The following FBXW11 variants were observed in gnomAD, a reference collection of about 807,000 sequenced individuals.
The protein encoded by FBXW11 is F-box/WD repeat-containing protein 11.
A neutral mutation model predicts 77.6 loss-of-function variants in FBXW11; 19 were observed. The ratio of observed to expected loss-of-function variants is 0.24; its 90% confidence interval spans 0.17 to 0.36. The LOEUF is 0.36. Ranked by LOEUF, FBXW11 falls within the 10% of genes least tolerant of loss-of-function variation. FBXW11 has a pLI of 1.00. For synonymous variants in FBXW11, 235 were observed against 249.4 expected (o/e 0.94, Z 0.54); for missense variants, 334 against 704.2 (o/e 0.47, Z 5.95).
At chr5:171,973,890 ATTAT>A (rs1456679772) in intron 1 of FBXW11, among the ~76,000 whole-genome samples, 2 of 152,342 alleles carry the variant, frequency 1.3e-5, no homozygotes, top group Non-Finnish European at 2.9e-5. Context: ...AAATATGAAC[ATTAT>A]TTGATATTTA....
intron 2 of FBXW11, among the ~76,000 whole-genome samples, chr5:171,917,146 C>G (rs963575481): frequency 3.3e-5 from 5 of 152,208 alleles, no homozygotes; most frequent in African/African-American, 1.2e-4. Flanking sequence ...GTCTCGATCT[C>G]TTGAACTCGT....
intron 13 of FBXW11, among the ~76,000 whole-genome samples, chr5:171,864,319 G>C (rs778906569): frequency 6.6e-6 from 1 of 152,162 alleles, no homozygotes; most frequent in Non-Finnish European, 1.5e-5. Flanking sequence ...TATGACACCT[G>C]CTTCACAAAT....
rs145760934 is a variant in FBXW11 at position 171,900,840 on chromosome 5, A to C, written c.437-740T>G. Reference sequence around the variant, plus strand: ...TAGAGGTCATTGGCTTCAACCTCCCACGATACAAGGATACTCTCAAAGAAA... The same window carrying C: ...TAGAGGTCATTGGCTTCAACCTCCCCCGATACAAGGATACTCTCAAAGAAA... On this transcript the variant is annotated intron_variant, in intron 4 of 13. Transcript: ENST00000517395. Among the ~76,000 whole-genome samples the C allele has an allele frequency of 7.6e-3, 1,159 of 152,200 alleles. 19 individuals are homozygous for C. The highest frequency in any genetic ancestry group is 0.026 in the African/African-American group (1,092 of 41,528).
At chr5:171,903,468 G>A (rs1464827112) in intron 4 of FBXW11, among the ~76,000 whole-genome samples, 1 of 152,092 alleles carries the variant, frequency 6.6e-6, no homozygotes, top group African/African-American at 2.4e-5. Context: ...GGTTCTGCTT[G>A]TGCCTCTCCA....
At chr5:171,977,322 A>AAAG (rs1554107787) in intron 1 of FBXW11, among the ~76,000 whole-genome samples, 3 of 151,844 alleles carry the variant, frequency 2.0e-5, no homozygotes, top group Non-Finnish European at 2.9e-5. Flanking sequence ...AAAAAAAAAA[A>AAAG]AAAGAAAGAA....
chr5:171,875,907 C>A (rs1245327612), intron 9 of FBXW11, among the ~76,000 whole-genome samples: 3 of 152,200 alleles, frequency 2.0e-5, no homozygotes, highest in Non-Finnish European at 2.9e-5. Flanking sequence ...ATCACCAACA[C>A]AATCCTTTAC....
At chr5:171,871,847 C>A (rs564213883) in intron 10 of FBXW11, among the ~76,000 whole-genome samples, 58 of 152,288 alleles carry the variant, frequency 3.8e-4, no homozygotes, top group African/African-American at 1.3e-3. Context: ...TCAGTACTGC[C>A]ACTATGACTC....
In FBXW11 at chr5:171,974,434, C is replaced by CA. The variant is rs566762147; in HGVS notation, c.46-16737dup. On this transcript the variant is annotated intron_variant, in intron 1 of 13. Coordinates refer to ENST00000517395, the MANE Select transcript of FBXW11 (RefSeq NM_001378974.1). ...GGATGACAGGAGCGAAACTCCGTCT[C>CA]AAAAAAAAGAAAAAAAAAAAAATAC... Among the ~76,000 whole-genome samples the CA allele has an allele frequency of 4.8e-4, 63 of 132,622 alleles. 3 individuals carry two copies. The South Asian group carries it at 0.012, about 26-fold the overall frequency. The allele number at this position is 132,622 out of a possible 152,430, so 87.0% of individuals were successfully genotyped here. A position where few individuals can be genotyped will look rare whatever the true frequency, so the allele number is the denominator to read the frequency against.
At chr5:171,930,482 G>C (rs1762111453) in intron 2 of FBXW11, among the ~76,000 whole-genome samples, 1 of 152,156 alleles carries the variant, frequency 6.6e-6, no homozygotes, top group Non-Finnish European at 1.5e-5. Context: ...AAAGAAAACT[G>C]TTTTGGTTCA....
chr5:171,979,046 A>G (rs1336417343), intron 1 of FBXW11, among the ~76,000 whole-genome samples: 1 of 152,202 alleles, frequency 6.6e-6, no homozygotes, highest in Non-Finnish European at 1.5e-5. Flanking sequence ...AACAGTGGGT[A>G]AAACCTTTGG....
chr5:171,939,489 G>C (rs576286341), intron 2 of FBXW11, among the ~76,000 whole-genome samples: 1 of 152,118 alleles, frequency 6.6e-6, no homozygotes, highest in East Asian at 1.9e-4. Flanking sequence ...TTGAGCCTAG[G>C]AGTTCAAGAC....
chr5:171,896,990 AT>A (rs1759784291), intron 6 of FBXW11, among the ~76,000 whole-genome samples: 1 of 152,122 alleles, frequency 6.6e-6, no homozygotes, highest in African/African-American at 2.4e-5. Flanking sequence ...GTAAAAAAAA[AT>A]CTATTTTGAG....
Position 171,904,433 on chromosome 5 carries a change from T to C in FBXW11, c.437-4333A>G, listed in dbSNP as rs1760339900. The stretch of plus-strand genomic sequence containing the variant: ...CCTATCTGGGTGGTCTATAAGCCTG[T>C]GTGGTTGTATCTGACTCAACTCAGG... On this transcript the variant is annotated intron_variant, in intron 4 of 13. Transcript: ENST00000517395. The surrounding 1 kb of genome is among the most constrained non-coding windows in gnomAD (Gnocchi z 4.0). Among the ~76,000 whole-genome samples, 1 of 152,154 alleles carries C rather than the reference T, an allele frequency of 6.6e-6. No individual in the cohort carries two copies. Among genetic ancestry groups the C allele is most frequent in the Non-Finnish European group, 1.5e-5 (1 of 68,030 alleles).
chr5:171,931,893 C>G (rs1050793991), intron 2 of FBXW11, among the ~76,000 whole-genome samples: 48 of 130,674 alleles, frequency 3.7e-4, no homozygotes, highest in African/African-American at 1.3e-3. Flanking sequence ...CTCTCTCTCT[C>G]TCACAGGGTC....
intron 7 of FBXW11, 136 bp downstream of exon 7, chr5:171,891,331 G>T: frequency 1.4e-6 from 1 of 724,728 alleles, no homozygotes; most frequent in Non-Finnish European, 2.1e-6. Flanking sequence ...TAGTTCTTTA[G>T]AACTACACTG....
chr5:171,891,783 T>A (rs901283096), intron 6 of FBXW11, among the ~76,000 whole-genome samples, 179 bp from the exon 7 acceptor site: 3 of 152,022 alleles, frequency 2.0e-5, no homozygotes, highest in Non-Finnish European at 4.4e-5. Context: ...AACAATGTTT[T>A]TTCTTAAACT....
Position 171,878,032 on chromosome 5 carries a change from C to T in FBXW11, c.950G>A (p.Gly317Asp). The T allele has an allele frequency of 6.2e-7, 1 of 1,613,382 alleles. No individual in the cohort carries two copies. Among genetic ancestry groups the T allele is most frequent in the Non-Finnish European group, 8.5e-7 (1 of 1,179,424 alleles). The change falls in exon 8 of 14, where the codon GGC becomes GAC. Residue 317 changes from glycine (G) to aspartate (D), a missense_variant. By Grantham distance (94) the Gly-to-Asp change is moderately conservative (BLOSUM62 -1). Around this residue, in one of 10 missense-constraint regions of FBXW11, gnomAD observed 70 missense variants for 136.6 expected, o/e 0.51. Transcript: ENST00000517395. ...TCACCTCACCGTAGAATCTGAAGAG[C>T]CAGTTACAATGACACGCTCATCATA... ...LQYDERVIVTGSSDSTVRVWD... is the reference protein window; with the variant it reads ...LQYDERVIVTDSSDSTVRVWD...
chr5:171,993,571 C>T lies in FBXW11; in HGVS notation c.45+12887G>A, dbSNP rs577646902. Among the ~76,000 whole-genome samples, 7 of 152,188 alleles carry T rather than the reference C, an allele frequency of 4.6e-5. No homozygotes were observed. The South Asian group carries it at 1.2e-3, about 27-fold the overall frequency. ...GAGGTTGCAGTGAGCCACGATCGCGCCACTGCACTCCAGCCTGGTGACAGA... is the reference window on the plus strand; with the variant it reads ...GAGGTTGCAGTGAGCCACGATCGCGTCACTGCACTCCAGCCTGGTGACAGA... On this transcript the variant is annotated intron_variant, in intron 1 of 13. Transcript: ENST00000517395.
intron 1 of FBXW11, among the ~76,000 whole-genome samples, chr5:171,966,435 G>C (rs1764190908): frequency 6.6e-6 from 1 of 152,178 alleles, no homozygotes; most frequent in African/African-American, 2.4e-5. Flanking sequence ...AGCTGGAGGA[G>C]GAAAGAATTA....
Sources: allele counts gnomAD v4.1 joint callset (sites outside exome capture counted in the v4.1 genomes callset), GRCh38; gene constraint gnomAD v4.1.1; regional missense constraint gnomAD v4.1.1; non-coding constraint Gnocchi (gnomAD v3.1); transcripts MANE v1.5; gene names NCBI Gene and HGNC (gene_info 2026-07-23, HGNC 2026-07-21).